The following FAN1 variants were observed in gnomAD, a reference collection of about 807,000 sequenced individuals.
FAN1 encodes the protein fanconi-associated nuclease 1.
In FAN1, 91 loss-of-function variants were observed where a neutral mutation model predicts 104.9. The ratio of observed to expected loss-of-function variants is 0.87; its 90% CI spans 0.73 to 1.03. The LOEUF (loss-of-function observed/expected upper bound fraction) is 1.03. Ranked by LOEUF, FAN1 falls within the 50% of genes least tolerant of loss-of-function variation. FAN1 has a pLI of 0.00. For synonymous variants in FAN1, 478 were observed against 457.6 expected (o/e 1.04, Z -0.57); for missense variants, 1,263 against 1,239.9 (o/e 1.02, Z -0.28).
chr15:30,941,260 T>C (rs2063040100), intron 14 of FAN1: 2 of 1,467,956 alleles, frequency 1.4e-6, no homozygotes, highest in Non-Finnish European at 1.8e-6. Flanking sequence ...AGACCTGTAA[T>C]GACAGAAAGA....
intron 8 of FAN1, among the ~76,000 whole-genome samples, chr15:30,922,991 TTCTTTGTGTGGC>T (rs753760317): frequency 4.8e-4 from 73 of 152,140 alleles, no homozygotes; most frequent in Non-Finnish European, 1.0e-3. Flanking sequence ...GCAACAGTGG[TTCTTTGTGTGGC>T]CGCCAGCAGG....
At chr15:30,940,625 C>T (rs2063013205) in intron 14 of FAN1, 3 of 985,684 alleles carry the variant, frequency 3.0e-6, no homozygotes, top group South Asian at 4.7e-5. Context: ...CTCCTGTCTA[C>T]AGCATACACC....
intron 13 of FAN1, among the ~76,000 whole-genome samples, chr15:30,932,716 CTTTT>C (rs60673122): frequency 7.4e-6 from 1 of 134,376 alleles, no homozygotes. Flanking sequence ...TGTTTCTTTT[CTTTT>C]TTTTTTTTTT....
chr15:30,904,277 G>C (rs999221877), intron 1 of FAN1, among the ~76,000 whole-genome samples: 2 of 152,170 alleles, frequency 1.3e-5, no homozygotes, highest in African/African-American at 4.8e-5. Flanking sequence ...GAAACGGATA[G>C]TTTTAGGTCT....
intron 13 of FAN1, among the ~76,000 whole-genome samples, chr15:30,934,857 TGTG>T (rs1050895911): frequency 1.3e-5 from 2 of 152,238 alleles, no homozygotes; most frequent in Non-Finnish European, 1.5e-5. Context: ...TTCCAGCCTT[TGTG>T]GTGTTTTCAT....
intron 4 of FAN1, 183 bp downstream of exon 4, chr15:30,910,998 T>C: frequency 7.6e-7 from 1 of 1,316,928 alleles, no homozygotes; most frequent in Non-Finnish European, 9.6e-7. Context: ...TCAAAATTTT[T>C]GTCGTAATAC....
chr15:30,922,422 C>T, intron 8 of FAN1, 68 bp downstream of exon 8: 1 of 1,438,462 alleles, frequency 7.0e-7, no homozygotes, highest in African/African-American at 1.4e-5. Context: ...ATATGGCAAA[C>T]TTAATGCCTT....
chr15:30,930,102 G>A lies in FAN1; in HGVS notation c.2788-441G>A, dbSNP rs371642303. Among the ~76,000 whole-genome samples the A allele has an allele frequency of 3.4e-4, 51 of 149,706 alleles. No individual in the cohort carries two copies. In the South Asian group the frequency reaches 9.4e-3, roughly 28 times the overall value. Reference sequence around the variant, plus strand: ...TGGCCCCAATGCCACTGTTAGTGATGGAAACATACTAGGGTGTTAGAAAAG... The same window carrying A: ...TGGCCCCAATGCCACTGTTAGTGATAGAAACATACTAGGGTGTTAGAAAAG... On this transcript the variant is annotated intron_variant, in intron 12 of 14. Transcript: ENST00000362065.
intron 11 of FAN1, 115 bp from the exon 12 acceptor site, chr15:30,929,086 TGA>T: frequency 1.1e-6 from 1 of 872,728 alleles, no homozygotes; most frequent in Middle Eastern, 3.5e-4. Context: ...ACTTATCTTT[TGA>T]GAGAAAGAAT....
chr15:30,914,079 A>T lies in FAN1; in HGVS notation c.1799A>T (p.Asp600Val). Residue 600 changes from aspartate to valine, a missense_variant, in exon 5 of 15, where the codon GAT becomes GTT. Coordinates refer to ENST00000362065, the MANE Select transcript of FAN1 (RefSeq NM_014967.5). ...NRKTHIFQDR[D>V]DLIRYAAATH... ...AAAACCCACATCTTCCAAGACAGAG[A>T]TGATCTTATCAGGTAAGATGATGTT... 1.2e-6 allele frequency: 2 copies of T among 1,611,268 alleles called. No individual in the cohort carries two copies. Among genetic ancestry groups the T allele is most frequent in the Non-Finnish European group, 1.7e-6 (2 of 1,177,418 alleles).
At chr15:30,931,202 CAA>C (rs1320269374) in intron 13 of FAN1, among the ~76,000 whole-genome samples, 3 of 152,158 alleles carry the variant, frequency 2.0e-5, no homozygotes, top group Non-Finnish European at 4.4e-5. Context: ...TATGTACCCA[CAA>C]AAAATTTTTT....
chr15:30,912,672 C>A (rs187610767), intron 4 of FAN1, among the ~76,000 whole-genome samples: 1 of 152,314 alleles, frequency 6.6e-6, no homozygotes, highest in African/African-American at 2.4e-5. Context: ...GGTGTGACAT[C>A]TTTCACTAGC....
intron 14 of FAN1, chr15:30,941,106 A>T: frequency 1.6e-6 from 2 of 1,237,520 alleles, no homozygotes; most frequent in Non-Finnish European, 2.1e-6. Flanking sequence ...ACGAAACACA[A>T]ATTTCCTAAC....
rs538297153 is a variant in FAN1 at position 30,905,528 on chromosome 15, A to T, written c.865A>T (p.Ile289Phe). Residue 289 changes from isoleucine (I) to phenylalanine (F), a missense_variant, in exon 2 of 15, where the codon ATC becomes TTC. Around this residue, in one of 2 missense-constraint regions of FAN1, gnomAD observed 682 missense variants for 571.1 expected, o/e 1.19. Transcript: ENST00000362065. Reference sequence around the variant, plus strand: ...AGACAGTCTTGTAAAGCAAGAGTGTATCAAAGAAGTGGTTGAAAAACGTGA... The same window carrying T: ...AGACAGTCTTGTAAAGCAAGAGTGTTTCAAAGAAGTGGTTGAAAAACGTGA... ...SEDSLVKQEC[I>F]KEVVEKREAC... 8 of 1,613,998 alleles carry T rather than the reference A, an allele frequency of 5.0e-6. No individual in the cohort carries two copies. The East Asian group carries it at 1.8e-4, about 36-fold the overall frequency.
intron 12 of FAN1, among the ~76,000 whole-genome samples, chr15:30,929,907 T>TATATA (rs3052634): frequency 1.1e-4 from 10 of 93,004 alleles, no homozygotes; most frequent in Admixed American, 1.7e-4. Context: ...ATATATAAAA[T>TATATA]ATATAATATA....
chr15:30,939,733 C>A (rs2062975770), intron 14 of FAN1: 1 of 982,678 alleles, frequency 1.0e-6, no homozygotes, highest in African/African-American at 1.8e-5. Flanking sequence ...AAAAAAGCAG[C>A]TAAATGAAAA....
intron 10 of FAN1, chr15:30,927,468 A>G: frequency 1.0e-6 from 1 of 985,672 alleles, no homozygotes; most frequent in Non-Finnish European, 1.2e-6. Flanking sequence ...ACAGGAAGAC[A>G]GGACAGAGAG....
intron 3 of FAN1, among the ~76,000 whole-genome samples, chr15:30,908,876 C>T (rs2062038381): frequency 6.6e-6 from 1 of 152,190 alleles, no homozygotes; most frequent in African/African-American, 2.4e-5. Flanking sequence ...TGGCGCTCTC[C>T]TTCCAGCAAG....
At position 30,907,672 on chromosome 15, in the gene FAN1, C is replaced by T. The variant is rs541058793; in HGVS notation, c.1235-446C>T. Among the ~76,000 whole-genome samples the T allele has an allele frequency of 2.2e-4, 34 of 152,030 alleles. 1 individual carries two copies. Among genetic ancestry groups the T allele is most frequent in the South Asian group, 1.0e-3 (5 of 4,818 alleles). ...ACAATTAAGCCATTTTAGAGTTGGC[C>T]GAAATTTAAAGATAATCTGGGTAAT... is the stretch of plus-strand genomic sequence containing the variant. On this transcript the variant is annotated intron_variant, in intron 2 of 14. Transcript: ENST00000362065.
Sources: allele counts gnomAD v4.1 joint callset (sites outside exome capture counted in the v4.1 genomes callset), GRCh38; gene constraint gnomAD v4.1.1; regional missense constraint gnomAD v4.1.1; transcripts MANE v1.5; gene names NCBI Gene and HGNC (gene_info 2026-07-23, HGNC 2026-07-21).